RPSA2: variants seen among roughly 807,000 people sequenced by gnomAD.
RPSA2 encodes small ribosomal subunit protein uS2B.
chr19:23,858,475 C>T, the RPSA2 span, among the ~76,000 whole-genome samples: 3 of 152,146 alleles, frequency 2.0e-5, no homozygotes, highest in East Asian at 1.9e-4. Context: ...ATAAATGTTT[C>T]CCATGACATT....
the RPSA2 span, among the ~76,000 whole-genome samples, chr19:23,764,746 G>A: frequency 2.3e-5 from 1 of 44,046 alleles, no homozygotes; most frequent in African/African-American, 6.4e-5. Flanking sequence ...TCCCAAGTCT[G>A]TAAACATTTT....
the RPSA2 span, among the ~76,000 whole-genome samples, chr19:23,773,072 C>G: frequency 3.5e-4 from 2 of 5,764 alleles, no homozygotes; most frequent in Non-Finnish European, 6.3e-3. Flanking sequence ...TCCGTCTCCT[C>G]CTGTGTGTAT....
At chr19:23,852,926 G>A in the RPSA2 span, among the ~76,000 whole-genome samples, 9 of 152,178 alleles carry the variant, frequency 5.9e-5, no homozygotes, top group Non-Finnish European at 1.3e-4. Flanking sequence ...TTTATCCTGA[G>A]CAATGTGTAA....
At chr19:23,856,825 G>A in the RPSA2 span, among the ~76,000 whole-genome samples, 3 of 152,048 alleles carry the variant, frequency 2.0e-5, no homozygotes, top group East Asian at 3.8e-4. Context: ...AAGGGGAGGG[G>A]GTGTAAGAAC....
chr19:23,780,713 A>T, the RPSA2 span, among the ~76,000 whole-genome samples: 1 of 152,136 alleles, frequency 6.6e-6, no homozygotes, highest in Non-Finnish European at 1.5e-5. Context: ...TGAGATGGTA[A>T]CTCTATAAGA....
At chr19:23,793,880 C>T in the RPSA2 span, among the ~76,000 whole-genome samples, 10 of 152,148 alleles carry the variant, frequency 6.6e-5, no homozygotes, top group South Asian at 2.1e-4. Flanking sequence ...TCCTCTTGTA[C>T]CTCAGACTTC....
the RPSA2 span, among the ~76,000 whole-genome samples, chr19:23,811,909 T>A: frequency 1.3e-5 from 2 of 152,202 alleles, no homozygotes; most frequent in African/African-American, 4.8e-5. Context: ...TTTTAAAAGC[T>A]TATCCATTAA....
chr19:23,855,980 C>A, the RPSA2 span, among the ~76,000 whole-genome samples: 7 of 152,080 alleles, frequency 4.6e-5, no homozygotes, highest in Non-Finnish European at 8.8e-5. Flanking sequence ...AGTATTGGTT[C>A]TTCATGAAAA....
the RPSA2 span, among the ~76,000 whole-genome samples, chr19:23,768,433 T>C: frequency 6.6e-6 from 1 of 151,060 alleles, no homozygotes; most frequent in Non-Finnish European, 1.5e-5. Context: ...TATTCTGTTG[T>C]CTAGATATCC....
At chr19:23,846,425 G>T in the RPSA2 span, among the ~76,000 whole-genome samples, 1 of 151,552 alleles carries the variant, frequency 6.6e-6, no homozygotes, top group East Asian at 1.9e-4. Context: ...ATGTCCTATT[G>T]TGATTTATTT....
the RPSA2 span, among the ~76,000 whole-genome samples, chr19:23,822,725 G>A: frequency 1.3e-5 from 2 of 152,176 alleles, no homozygotes; most frequent in East Asian, 3.9e-4. Flanking sequence ...GCCCCTTTAG[G>A]GTGTAGCCTG....
the RPSA2 span, among the ~76,000 whole-genome samples, chr19:23,774,602 A>G: frequency 3.3e-5 from 5 of 152,202 alleles, no homozygotes. Flanking sequence ...GCATTGTGAC[A>G]TCTTTAAGAG....
the RPSA2 span, among the ~76,000 whole-genome samples, chr19:23,803,994 A>G: frequency 1.3e-5 from 2 of 152,210 alleles, no homozygotes; most frequent in African/African-American, 4.8e-5. Flanking sequence ...TATTGAACAC[A>G]GTATAAACTC....
chr19:23,865,503 T>A, the RPSA2 span, among the ~76,000 whole-genome samples: 3 of 152,278 alleles, frequency 2.0e-5, no homozygotes, highest in South Asian at 6.2e-4. Flanking sequence ...CTACTGCTGC[T>A]GTCTCTTTAT....
At chr19:23,867,271 C>A in the RPSA2 span, among the ~76,000 whole-genome samples, 1 of 152,208 alleles carries the variant, frequency 6.6e-6, no homozygotes, top group African/African-American at 2.4e-5. Context: ...GTAGGAGCAG[C>A]TCAAAGTGTT....
chr19:23,847,527 G>A, the RPSA2 span, among the ~76,000 whole-genome samples: 2 of 152,150 alleles, frequency 1.3e-5, no homozygotes, highest in African/African-American at 4.8e-5. Flanking sequence ...AAAGGGGAGG[G>A]GGTGTAAGAA....
the RPSA2 span, among the ~76,000 whole-genome samples, chr19:23,829,865 A>G: frequency 1.3e-5 from 2 of 152,166 alleles, no homozygotes; most frequent in Non-Finnish European, 2.9e-5. Flanking sequence ...CGTCACTAGG[A>G]TAATGCTAAT....
chr19:23,787,144 G>C, the RPSA2 span, among the ~76,000 whole-genome samples: 1 of 152,000 alleles, frequency 6.6e-6, no homozygotes, highest in African/African-American at 2.4e-5. Flanking sequence ...TCTTCTTTTA[G>C]GTTTTGCCTT....
the RPSA2 span, among the ~76,000 whole-genome samples, chr19:23,781,326 A>G: frequency 6.6e-6 from 1 of 152,030 alleles, no homozygotes; most frequent in African/African-American, 2.4e-5. Context: ...CTGTAACCTC[A>G]CTAAGGAGAA....
Sources: allele counts gnomAD v4.1 joint callset (sites outside exome capture counted in the v4.1 genomes callset), GRCh38; gene constraint gnomAD v4.1.1; transcripts MANE v1.5; gene names NCBI Gene and HGNC (gene_info 2026-07-23, HGNC 2026-07-21).